The following TNRC6B variants were observed in gnomAD, a reference collection of about 807,000 sequenced individuals.
TNRC6B encodes trinucleotide repeat containing adaptor 6B, also known as trinucleotide repeat-containing gene 6B protein.
In TNRC6B, 52 loss-of-function variants were observed where a neutral mutation model predicts 203.6. The ratio of observed to expected loss-of-function variants is 0.26; its 90% CI spans 0.20 to 0.32. The LOEUF is 0.32. Among genes scored for constraint, TNRC6B ranks in the 10% least tolerant of loss-of-function variants. The pLI, the probability that TNRC6B is intolerant of heterozygous loss-of-function variation, is 1.00. For synonymous variants in TNRC6B, 838 were observed against 845.7 expected (o/e 0.99, Z 0.16); for missense variants, 1,923 against 2,286.2 (o/e 0.84, Z 3.24).
At chr22:40,305,690 C>G (rs1198140976) in intron 15 of TNRC6B, among the ~76,000 whole-genome samples, 1 of 152,180 alleles carries the variant, frequency 6.6e-6, no homozygotes, top group Admixed American at 6.5e-5. Context: ...CCTATTCTTT[C>G]TCTTACCCCT....
Position 40,230,778 on chromosome 22 carries a change from CAT to C in TNRC6B, c.6-15236_6-15235del, listed in dbSNP as rs1050311852. 1.4e-4 allele frequency among the ~76,000 whole-genome samples: 22 copies of C among 152,016 alleles called. 1 individual carries two copies. Among genetic ancestry groups the C allele is most frequent in the Admixed American group, 1.3e-3 (20 of 15,270 alleles). On this transcript the variant is annotated intron_variant, in intron 1 of 22. Coordinates refer to ENST00000454349, the MANE Select transcript of TNRC6B (RefSeq NM_001162501.2). ...TATCAGGGTTTTTTCTTTTATGAAT[CAT>C]GTTTTTTGGTGTTGTGTCAAAAAAA...
At chr22:40,259,938 T>C (rs1241471355) in intron 3 of TNRC6B, among the ~76,000 whole-genome samples, 1 of 152,162 alleles carries the variant, frequency 6.6e-6, no homozygotes, top group Non-Finnish European at 1.5e-5. Flanking sequence ...AGCCTCTATT[T>C]GCCAGGTAGA....
At chr22:40,228,270 A>C (rs918732855) in intron 1 of TNRC6B, among the ~76,000 whole-genome samples, 1 of 151,906 alleles carries the variant, frequency 6.6e-6, no homozygotes, top group Non-Finnish European at 1.5e-5. Flanking sequence ...TCTACTAAAA[A>C]TACTAAAAAA....
At chr22:40,132,342 G>C (rs1229890080) in intron 3 of TNRC6B, among the ~76,000 whole-genome samples, 2 of 151,504 alleles carry the variant, frequency 1.3e-5, no homozygotes, top group African/African-American at 4.9e-5. Context: ...CTCCAGCCTG[G>C]GTGACAGTGT....
intron 18 of TNRC6B, 115 bp from the exon 19 acceptor site, chr22:40,312,787 G>T: frequency 6.8e-7 from 1 of 1,471,458 alleles, no homozygotes; most frequent in Non-Finnish European, 9.4e-7. Context: ...ACTTTTATTT[G>T]TTAGACATAT....
chr22:40,148,359 C>T (rs1386292179), intron 3 of TNRC6B, among the ~76,000 whole-genome samples: 1 of 150,806 alleles, frequency 6.6e-6, no homozygotes, highest in Non-Finnish European at 1.5e-5. Flanking sequence ...TCTCGGCTCA[C>T]TGCAACCTCC....
chr22:40,321,923 G>A (rs2071339345), intron 22 of TNRC6B: 2 of 152,262 alleles, frequency 1.3e-5, no homozygotes, highest in African/African-American at 2.4e-5. Flanking sequence ...AAATTAGGTG[G>A]CGCTAGATCA....
At chr22:40,177,759 G>A (rs906490199), upstream of TNRC6B, among the ~76,000 whole-genome samples, 4 of 152,164 alleles carry the variant, frequency 2.6e-5, no homozygotes, top group African/African-American at 9.7e-5. Flanking sequence ...GTCTGTAGGC[G>A]GAGAGTATGA....
chr22:40,155,838 C>G (rs531569237), intron 3 of TNRC6B, among the ~76,000 whole-genome samples: 4 of 152,160 alleles, frequency 2.6e-5, no homozygotes, highest in African/African-American at 9.7e-5. Flanking sequence ...GCAGATTTTT[C>G]TAGTAGGTTG....
intron 6 of TNRC6B, among the ~76,000 whole-genome samples, chr22:40,270,918 G>C (rs62238019): frequency 0.11 from 17,243 of 152,238 alleles, 1,058 homozygotes; most frequent in South Asian, 0.15. Flanking sequence ...CTACTTGTTA[G>C]TATAATTTAA....
At chr22:40,125,796 G>A in exon 3 of TNRC6B, 1 of 1,608,630 alleles carries the variant, frequency 6.2e-7, no homozygotes. Flanking sequence ...TTTCTGCAGA[G>A]TTTTGCACAA....
chr22:40,108,035 T>C (rs1241887704), intron 1 of TNRC6B, among the ~76,000 whole-genome samples: 2 of 151,810 alleles, frequency 1.3e-5, no homozygotes, highest in Non-Finnish European at 2.9e-5. Context: ...ACGTGGCTGA[T>C]GTTAAATTTG....
At chr22:40,149,364 G>A (rs1249651148) in intron 3 of TNRC6B, among the ~76,000 whole-genome samples, 1 of 152,068 alleles carries the variant, frequency 6.6e-6, no homozygotes, top group African/African-American at 2.4e-5. Flanking sequence ...CAGGGTCACA[G>A]GAGAGGAAGC....
At chr22:40,170,785 A>G (rs1158696288) in intron 4 of TNRC6B, among the ~76,000 whole-genome samples, 1 of 66,376 alleles carries the variant, frequency 1.5e-5, no homozygotes, top group Non-Finnish European at 2.8e-5. Flanking sequence ...ATATGTACAT[A>G]TATGTGTGTA....
At chr22:40,159,412 G>A (rs1413032198) in intron 4 of TNRC6B, among the ~76,000 whole-genome samples, 2 of 150,564 alleles carry the variant, frequency 1.3e-5, no homozygotes, top group Non-Finnish European at 3.0e-5. Context: ...GGCTGAGGCG[G>A]GCAGATCACG....
chr22:40,132,969 A>AAGTAT (rs1282694632), intron 3 of TNRC6B, among the ~76,000 whole-genome samples: 28 of 78,174 alleles, frequency 3.6e-4, no homozygotes, highest in African/African-American at 1.0e-3. Flanking sequence ...AAAAAAAAAA[A>AAGTAT]ATATATATAT....
intron 20 of TNRC6B, among the ~76,000 whole-genome samples, 170 bp from the exon 21 acceptor site, chr22:40,315,772 G>A (rs1253954000): frequency 6.6e-6 from 1 of 152,198 alleles, no homozygotes; most frequent in Admixed American, 6.5e-5. Flanking sequence ...GCATAAAAGT[G>A]CATAGGAGTC....
chr22:40,219,868 T>G (rs1447593718), intron 1 of TNRC6B, among the ~76,000 whole-genome samples: 1 of 152,210 alleles, frequency 6.6e-6, no homozygotes, highest in Non-Finnish European at 1.5e-5. Context: ...GTCTGCTGGT[T>G]TAATGCCTGT....
intron 1 of TNRC6B, chr22:40,106,538 GCAAT>G: frequency 1.4e-6 from 1 of 735,462 alleles, no homozygotes; most frequent in Non-Finnish European, 2.5e-6. Flanking sequence ...AAGAGATCGA[GCAAT>G]CAAAGTGTTA....
Sources: gnomAD v4.1 joint callset for allele counts (sites outside exome capture counted in the v4.1 genomes callset) on GRCh38, gnomAD v4.1.1 for gene constraint, MANE v1.5 for transcripts, NCBI Gene and HGNC (gene_info 2026-07-23, HGNC 2026-07-21) for gene names.